The following CALCR variants were observed in gnomAD, a reference collection of about 807,000 sequenced individuals.
CALCR encodes calcitonin receptor.
Under a neutral mutation model 59.5 loss-of-function variants are expected in CALCR, and 47 were observed. The observed-to-expected ratio is 0.79, with a 90% CI of 0.63 to 1.01. The LOEUF (loss-of-function observed/expected upper bound fraction) is 1.01, where lower values mean the gene tolerates loss of function less well. Among genes scored for constraint, CALCR ranks in the 50% least tolerant of loss-of-function variants. CALCR has a pLI of 0.00. For missense variants in CALCR, 566 were observed against 597.1 expected, an observed-to-expected ratio of 0.95 and a Z score of 0.54; for synonymous variants, 213 against 211.3, an observed-to-expected ratio of 1.01 and a Z score of -0.07.
At chr7:93,506,775 G>A (rs542597249) in intron 2 of CALCR, among the ~76,000 whole-genome samples, 47 of 152,146 alleles carry the variant, frequency 3.1e-4, no homozygotes, top group African/African-American at 1.1e-3. Flanking sequence ...AGGTGATATG[G>A]TTTGACTGTG....
At chr7:93,525,243 CA>C (rs1397461994) in intron 2 of CALCR, among the ~76,000 whole-genome samples, 4 of 151,914 alleles carry the variant, frequency 2.6e-5, no homozygotes, top group Non-Finnish European at 2.9e-5. Flanking sequence ...TTGACAAATG[CA>C]AAAAAATGTT....
rs1408770292 is a variant in CALCR, at chr7:93,487,027, A to C, written c.-26-20T>G. 1 of 1,297,924 alleles carries C rather than the reference A, an allele frequency of 7.7e-7. No individual in the cohort carries two copies. Among genetic ancestry groups the C allele is most frequent in the East Asian group, 2.3e-5 (1 of 42,612 alleles). The allele number at this position is 1,297,924 out of a possible 1,614,324, so 80.4% of individuals were successfully genotyped here. A position where few individuals can be genotyped will look rare whatever the true frequency, so the allele number is the denominator to read the frequency against. The stretch of plus-strand genomic sequence containing the variant: ...TTTGTCCTAGAAAAATATAAAAGCA[A>C]CAAAGACTAAAATTAATATATCTCT... On this transcript the variant is annotated intron_variant, in intron 2 of 13. Coordinates refer to ENST00000426151, the MANE Select transcript of CALCR (RefSeq NM_001742.4).
At chr7:93,441,737 C>T (rs753955173) in intron 9 of CALCR, among the ~76,000 whole-genome samples, 5 of 151,916 alleles carry the variant, frequency 3.3e-5, no homozygotes, top group Non-Finnish European at 7.4e-5. Flanking sequence ...AGGGAGCAGC[C>T]ATGCAGATGA....
intron 2 of CALCR, among the ~76,000 whole-genome samples, chr7:93,546,293 T>C (rs1432869154): frequency 6.6e-6 from 1 of 152,178 alleles, no homozygotes; most frequent in African/African-American, 2.4e-5. Flanking sequence ...CACAAAAGCA[T>C]ACCAGTTTGA....
In CALCR at chr7:93,454,615, C is replaced by CAA. The variant is rs36063536; in HGVS notation, c.648+6204_648+6205dup. Among the ~76,000 whole-genome samples, 597 of 144,218 alleles carry CAA rather than the reference C, an allele frequency of 4.1e-3. 2 individuals are homozygous for CAA. The highest frequency in any genetic ancestry group is 0.029 in the South Asian group (134 of 4,580). 94.6% of individuals were successfully genotyped at this position (144,218 alleles called of 152,430 possible). On this transcript the variant is annotated intron_variant, in intron 8 of 13. Coordinates refer to ENST00000426151, the MANE Select transcript of CALCR (RefSeq NM_001742.4). ...AAGCTCATCGAATGAGCAGATAGAA[C>CAA]AAAAAAAAAAAATAACATTTCAGAT...
intron 2 of CALCR, among the ~76,000 whole-genome samples, chr7:93,514,022 G>A (rs1801603375): frequency 6.6e-6 from 1 of 151,922 alleles, no homozygotes; most frequent in Non-Finnish European, 1.5e-5. Context: ...AACATAGAGG[G>A]TGACATTCTA....
chr7:93,547,178 AAAGCTAGAG>A (rs1439926658), intron 2 of CALCR, among the ~76,000 whole-genome samples: 38 of 152,200 alleles, frequency 2.5e-4, no homozygotes, highest in African/African-American at 8.9e-4. Flanking sequence ...GATCTGGATC[AAAGCTAGAG>A]AGTGCATATT....
chr7:93,430,466 AT>A (rs751336082), intron 13 of CALCR, among the ~76,000 whole-genome samples: 32 of 152,180 alleles, frequency 2.1e-4, no homozygotes, highest in Non-Finnish European at 3.8e-4. Flanking sequence ...TCTGATTCCC[AT>A]TCATTATCTC....
intron 2 of CALCR, among the ~76,000 whole-genome samples, chr7:93,503,863 A>G (rs6951161): frequency 0.13 from 19,230 of 152,112 alleles, 2,643 homozygotes; most frequent in African/African-American, 0.33. Context: ...TCTTAAACCA[A>G]TGGGAATGCC....
Position 93,460,568 on chromosome 7 carries a change from AAAAAATATATATATATATATATATGT to A in CALCR, c.648+227_648+252del, listed in dbSNP as rs1298253877. Among the ~76,000 whole-genome samples, 10 of 80,016 alleles carry A rather than the reference AAAAAATATATATATATATATATATGT, an allele frequency of 1.2e-4. No individual in the cohort carries two copies. In the East Asian group the frequency reaches 3.9e-3, roughly 31 times the overall value. 52.5% of individuals were successfully genotyped at this position (80,016 alleles called of 152,430 possible). ...GAGACTCTATCTAAAAAAAAAAAAAAAAAAATATATATATATATATATATGTATATATATATATATATATGGTTTGT... is the reference window on the plus strand; with the variant it reads ...GAGACTCTATCTAAAAAAAAAAAAAAATATATATATATATATATGGTTTGT... On this transcript the variant is annotated intron_variant, in intron 8 of 13. Transcript: ENST00000426151.
chr7:93,490,072 G>A (rs950812102), intron 2 of CALCR, among the ~76,000 whole-genome samples: 8 of 151,808 alleles, frequency 5.3e-5, no homozygotes, highest in South Asian at 2.1e-4. Flanking sequence ...TGATCAAGTC[G>A]GCTTCATCCT....
chr7:93,498,214 C>T (rs1801251032), intron 2 of CALCR, among the ~76,000 whole-genome samples: 1 of 151,648 alleles, frequency 6.6e-6, no homozygotes, highest in Non-Finnish European at 1.5e-5. Flanking sequence ...AGTACCACAT[C>T]CTGTGTAACA....
At chr7:93,567,036 T>C (rs1357785309) in intron 2 of CALCR, among the ~76,000 whole-genome samples, 2 of 152,192 alleles carry the variant, frequency 1.3e-5, no homozygotes, top group East Asian at 1.9e-4. Context: ...GGTATGACTT[T>C]GTGATTAAGA....
intron 2 of CALCR, among the ~76,000 whole-genome samples, chr7:93,494,323 C>T (rs1173046437): frequency 1.3e-5 from 2 of 151,326 alleles, no homozygotes; most frequent in African/African-American, 4.8e-5. Flanking sequence ...AGACTTGTCA[C>T]TTTAAGGTGA....
intron 2 of CALCR, among the ~76,000 whole-genome samples, chr7:93,497,435 T>G (rs1801232203): frequency 6.6e-6 from 1 of 151,640 alleles, no homozygotes; most frequent in South Asian, 2.1e-4. Context: ...GATTTAGTTC[T>G]TAAGACAAAA....
At chr7:93,457,834 C>T (rs1269101685) in intron 8 of CALCR, among the ~76,000 whole-genome samples, 2 of 152,098 alleles carry the variant, frequency 1.3e-5, no homozygotes, top group Admixed American at 6.6e-5. Context: ...TCTTTAAGAA[C>T]ACATCTTTCT....
Position 93,466,691 on chromosome 7 carries a change from G to A in CALCR, c.521+2024C>T, listed in dbSNP as rs77532005. ...CCAGATTTAAGTTGCTGTTTAGTTGGTTCTTAGAACTGAGAGACGGTAGGG... is the reference window on the plus strand; with the variant it reads ...CCAGATTTAAGTTGCTGTTTAGTTGATTCTTAGAACTGAGAGACGGTAGGG... On this transcript the variant is annotated intron_variant, in intron 7 of 13. Coordinates refer to ENST00000426151, the MANE Select transcript of CALCR (RefSeq NM_001742.4). 1.9e-3 allele frequency among the ~76,000 whole-genome samples: 296 copies of A among 151,796 alleles called. 1 individual carries two copies. Among genetic ancestry groups the A allele is most frequent in the Middle Eastern group, 6.8e-3 (2 of 294 alleles).
intron 2 of CALCR, among the ~76,000 whole-genome samples, chr7:93,547,649 T>C (rs1318392566): frequency 6.6e-6 from 1 of 152,178 alleles, no homozygotes; most frequent in Non-Finnish European, 1.5e-5. Flanking sequence ...TGAATTAGAA[T>C]GCAGGTGCTC....
At chr7:93,568,200 G>A (rs1426743100) in intron 2 of CALCR, among the ~76,000 whole-genome samples, 2 of 152,070 alleles carry the variant, frequency 1.3e-5, no homozygotes, top group African/African-American at 4.8e-5. Context: ...CTTTGTTGGG[G>A]GGATTAAACG....
Sources: allele counts gnomAD v4.1 joint callset (sites outside exome capture counted in the v4.1 genomes callset), GRCh38; gene constraint gnomAD v4.1.1; transcripts MANE v1.5; gene names NCBI Gene and HGNC (gene_info 2026-07-23, HGNC 2026-07-21).